MOB3A: variants seen among roughly 807,000 people sequenced by gnomAD.
The protein encoded by MOB3A is MOB kinase activator 3A.
In MOB3A, 17 loss-of-function variants were observed where a neutral mutation model predicts 17.8. The observed-to-expected ratio is 0.95, with a 90% confidence interval of 0.65 to 1.43. The LOEUF is 1.43. Ranked by LOEUF, MOB3A falls within the 40% of genes most tolerant of loss-of-function variation. The pLI, the probability that MOB3A is intolerant of heterozygous loss-of-function variation, is 0.00. For synonymous variants in MOB3A, 124 were observed against 133.2 expected (o/e 0.93, Z 0.48); for missense variants, 333 against 310.8 (o/e 1.07, Z -0.54).
intron 3 of MOB3A, among the ~76,000 whole-genome samples, chr19:2,077,268 G>A (rs534067527): frequency 6.6e-6 from 1 of 152,220 alleles, no homozygotes; most frequent in African/African-American, 2.4e-5. Flanking sequence ...CGGGTGTGGT[G>A]GCTCATGCCT....
intron 1 of MOB3A, among the ~76,000 whole-genome samples, chr19:2,094,740 C>A (rs1346857182): frequency 6.6e-6 from 1 of 152,266 alleles, no homozygotes; most frequent in Admixed American, 6.5e-5. Context: ...GCAGAAAGCA[C>A]AGATGGGATG....
intron 1 of MOB3A, among the ~76,000 whole-genome samples, chr19:2,091,173 C>A (rs2017609720): frequency 6.6e-6 from 1 of 152,130 alleles, no homozygotes; most frequent in Admixed American, 6.6e-5. Flanking sequence ...GCGCTTCCTG[C>A]AGAGTCATTC....
chr19:2,094,000 C>A lies in MOB3A; in HGVS notation c.-274+2226G>T, dbSNP rs187574660. Reference sequence around the variant, plus strand: ...CTGCAACTCTGCAACTCTGACAGCCCGGGGGGCTCATCCAGCCCTCCTTCC... The same window carrying A: ...CTGCAACTCTGCAACTCTGACAGCCAGGGGGGCTCATCCAGCCCTCCTTCC... On this transcript the variant is annotated intron_variant, in intron 1 of 4. Coordinates refer to ENST00000357066, the MANE Select transcript of MOB3A (RefSeq NM_130807.3). The surrounding 1 kb of genome is among the most constrained non-coding windows in gnomAD (Gnocchi z 4.6). Among the ~76,000 whole-genome samples, 425 of 151,098 alleles carry A rather than the reference C, an allele frequency of 2.8e-3. No individual in the cohort carries two copies. The highest frequency in any genetic ancestry group is 7.0e-3 in the Middle Eastern group (2 of 284).
rs940950384 is a variant in MOB3A at position 2,093,908 on chromosome 19, A to G, written c.-274+2318T>C. The stretch of plus-strand genomic sequence containing the variant: ...TCTCACTCTGTAATCGGTAGATCTC[A>G]GTGAGTTCTAATAAACAGGTCCCTG... On this transcript the variant is annotated intron_variant, in intron 1 of 4. Coordinates refer to ENST00000357066, the MANE Select transcript of MOB3A (RefSeq NM_130807.3). The surrounding 1 kb of genome is among the most constrained non-coding windows in gnomAD (Gnocchi z 4.6). Among the ~76,000 whole-genome samples, 1 of 151,818 alleles carries G rather than the reference A, an allele frequency of 6.6e-6. No individual in the cohort carries two copies. The highest frequency in any genetic ancestry group is 2.4e-5 in the African/African-American group (1 of 41,276).
At position 2,073,426 on chromosome 19, in the gene MOB3A, T is replaced by C. The variant is rs748994428; in HGVS notation, c.625-2A>G. ...GCACATCCGGGCGGTCATTTCTTTC[T>C]GTAAAGAGCAAGCAAGACATCAGCT... On this transcript the variant is annotated splice_acceptor_variant, in intron 4 of 4. Transcript: ENST00000357066. LOFTEE classifies it high-confidence loss of function. 4.3e-6 allele frequency: 7 copies of C among 1,613,704 alleles called. No homozygotes were observed. The East Asian group carries it at 8.9e-5, about 21-fold the overall frequency.
At chr19:2,075,856 C>T (rs1268432037) in intron 4 of MOB3A, among the ~76,000 whole-genome samples, 1 of 152,126 alleles carries the variant, frequency 6.6e-6, no homozygotes, top group Non-Finnish European at 1.5e-5. Context: ...GGTGCGGTGG[C>T]TCCTGTCTGT....
Position 2,073,463 on chromosome 19 carries a change from C to T in MOB3A, c.625-39G>A, listed in dbSNP as rs927166046. 2.5e-6 allele frequency: 4 copies of T among 1,613,562 alleles called. No homozygotes were observed. The African/African-American group carries it at 5.3e-5, about 22-fold the overall frequency. On this transcript the variant is annotated intron_variant, in intron 4 of 4. Coordinates refer to ENST00000357066, the MANE Select transcript of MOB3A (RefSeq NM_130807.3). Reference sequence around the variant, plus strand: ...GCAAGACATCAGCTCCCACCAGCCACTCCTAAAAGGGGTGATGCGAACAGC... The same window carrying T: ...GCAAGACATCAGCTCCCACCAGCCATTCCTAAAAGGGGTGATGCGAACAGC...
chr19:2,073,271 C>G lies in MOB3A; in HGVS notation c.*124G>C. 1 of 1,265,264 alleles carries G rather than the reference C, an allele frequency of 7.9e-7. No homozygotes were observed. The highest frequency in any genetic ancestry group is 1.1e-6 in the Non-Finnish European group (1 of 884,656). The allele number at this position is 1,265,264 out of a possible 1,614,324, so 78.4% of individuals were successfully genotyped here. On this transcript the variant is annotated 3_prime_UTR_variant, in exon 5 of 5. Coordinates refer to ENST00000357066, the MANE Select transcript of MOB3A (RefSeq NM_130807.3). Reference sequence around the variant, plus strand: ...CTGAGGACCAACACCTGCTCAGCGGCTCGGCCCCTGGTCTCCCTGAGATGC... The same window carrying G: ...CTGAGGACCAACACCTGCTCAGCGGGTCGGCCCCTGGTCTCCCTGAGATGC...
intron 1 of MOB3A, among the ~76,000 whole-genome samples, chr19:2,086,470 C>T (rs910319734): frequency 3.3e-5 from 5 of 151,810 alleles, no homozygotes; most frequent in African/African-American, 1.2e-4. Context: ...AAGCGATTCT[C>T]CTGGTCAGCC....
chr19:2,081,459 G>T (rs1017104345), intron 2 of MOB3A, among the ~76,000 whole-genome samples: 1 of 151,952 alleles, frequency 6.6e-6, no homozygotes, highest in Non-Finnish European at 1.5e-5. Context: ...ATGGTGGCGG[G>T]CGCCTGTAAT....
In MOB3A at chr19:2,096,284, G is replaced by T. The variant is rs2017694664; in HGVS notation, c.-332C>A. Reference sequence around the variant, plus strand: ...CGGTACCCAACTGGCCGCCTCGGCCGCCTCAGCCGCCGCACCGCCTCGCAG... The same window carrying T: ...CGGTACCCAACTGGCCGCCTCGGCCTCCTCAGCCGCCGCACCGCCTCGCAG... On this transcript the variant is annotated 5_prime_UTR_variant, in exon 1 of 5. Transcript: ENST00000357066. 1 of 157,820 alleles carries T rather than the reference G, an allele frequency of 6.3e-6. No individual in the cohort carries two copies. 9.8% of individuals were successfully genotyped at this position (157,820 alleles called of 1,614,324 possible).
chr19:2,088,071 G>C (rs974805690), intron 1 of MOB3A, among the ~76,000 whole-genome samples: 2 of 152,204 alleles, frequency 1.3e-5, no homozygotes, highest in Non-Finnish European at 2.9e-5. Context: ...CACCTGGGGG[G>C]CGATTCTGCA....
chr19:2,088,595 T>TA (rs1335911509), intron 1 of MOB3A, among the ~76,000 whole-genome samples: 1 of 152,158 alleles, frequency 6.6e-6, no homozygotes, highest in Non-Finnish European at 1.5e-5. Context: ...GCCTCCTGAG[T>TA]AGCTGGGACT....
intron 1 of MOB3A, among the ~76,000 whole-genome samples, chr19:2,091,929 G>A (rs1445468741): frequency 1.3e-5 from 2 of 150,266 alleles, no homozygotes; most frequent in Admixed American, 6.6e-5. Context: ...CCTGGGAGGC[G>A]GAGGTTGCAG....
chr19:2,073,564 A>C (rs1250274026), intron 4 of MOB3A, 140 bp from the exon 5 acceptor site: 1 of 1,064,090 alleles, frequency 9.4e-7, no homozygotes, highest in Non-Finnish European at 1.4e-6. Context: ...AAAACCACAC[A>C]GGCAATGGCA....
At position 2,086,429 on chromosome 19, in the gene MOB3A, C is replaced by T. The variant is rs542988222; in HGVS notation, c.-273-1101G>A. Among the ~76,000 whole-genome samples, 61 of 151,940 alleles carry T rather than the reference C, an allele frequency of 4.0e-4. 1 individual carries two copies. Among genetic ancestry groups the T allele is most frequent in the Non-Finnish European group, 6.2e-4 (42 of 67,942 alleles). ...AGGCTGGAGTGCAGTGGCGTGATCT[C>T]GGCTCACTGCAACCTCTGCCTCCTG... On this transcript the variant is annotated intron_variant, in intron 1 of 4. Transcript: ENST00000357066.
In MOB3A at chr19:2,093,331, T is replaced by C. The variant is rs1331076904; in HGVS notation, c.-274+2895A>G. ...CGCCAGCATGCCCGGGTAAATTTTG[T>C]ATTCCTCAGCCGATGAGCTCTGTTC... On this transcript the variant is annotated intron_variant, in intron 1 of 4. Transcript: ENST00000357066. The surrounding 1 kb of genome is among the most constrained non-coding windows in gnomAD (Gnocchi z 4.6). Among the ~76,000 whole-genome samples the C allele has an allele frequency of 6.6e-6, 1 of 151,958 alleles. No homozygotes were observed. The highest frequency in any genetic ancestry group is 2.4e-5 in the African/African-American group (1 of 41,392).
intron 4 of MOB3A, among the ~76,000 whole-genome samples, chr19:2,073,639 G>A (rs76822266): frequency 0.011 from 1,661 of 152,156 alleles, 28 homozygotes; most frequent in African/African-American, 0.038. Context: ...CAGATCTGTG[G>A]GCCAGACGGT....
At position 2,073,159 on chromosome 19, in the gene MOB3A, T is replaced by C. The variant is rs1006428096; in HGVS notation, c.*236A>G. 56 of 574,926 alleles carry C rather than the reference T, an allele frequency of 9.7e-5. No individual in the cohort carries two copies. Among genetic ancestry groups the C allele is most frequent in the Middle Eastern group, 4.7e-4 (1 of 2,122 alleles). The allele number at this position is 574,926 out of a possible 1,614,324, so 35.6% of individuals were successfully genotyped here. A position where few individuals can be genotyped will look rare whatever the true frequency, so the allele number is the denominator to read the frequency against. On this transcript the variant is annotated 3_prime_UTR_variant, in exon 5 of 5. Coordinates refer to ENST00000357066, the MANE Select transcript of MOB3A (RefSeq NM_130807.3). ...GGCTTTTCCGGTTGCTAGTAACACA[T>C]AGAATTACAGAGTTCACGTTTTAGT...
Sources: gnomAD v4.1 joint callset for allele counts (sites outside exome capture counted in the v4.1 genomes callset) on GRCh38, gnomAD v4.1.1 for gene constraint, Gnocchi (gnomAD v3.1) non-coding constraint, MANE v1.5 for transcripts, NCBI Gene and HGNC (gene_info 2026-07-23, HGNC 2026-07-21) for gene names.